Variants in USP32 observed in about 807,000 individuals in gnomAD.
The protein encoded by USP32 is ubiquitin carboxyl-terminal hydrolase 32.
In USP32, 59 loss-of-function variants were observed where a neutral mutation model predicts 204.8. The observed-to-expected ratio is 0.29, with a 90% CI of 0.23 to 0.36. USP32 has a LOEUF of 0.36. Among genes scored for constraint, USP32 ranks in the 10% least tolerant of loss-of-function variants. USP32 has a pLI of 1.00. For missense variants in USP32, 1,160 were observed against 1,946.4 expected (o/e 0.60, Z 7.60); for synonymous variants, 517 against 678.4 (o/e 0.76, Z 3.70).
Position 60,213,539 on chromosome 17 carries a change from C to T in USP32, c.2104+42G>A, listed in dbSNP as rs2085025755. On this transcript the variant is annotated intron_variant, in intron 18 of 33. Coordinates refer to ENST00000300896, the MANE Select transcript of USP32 (RefSeq NM_032582.4). Reference sequence around the variant, plus strand: ...GTTATTAGTAACTCTTTAAATTCTTCCCCTTGAAAATTTAATATAGATGCA... The same window carrying T: ...GTTATTAGTAACTCTTTAAATTCTTTCCCTTGAAAATTTAATATAGATGCA... The T allele has an allele frequency of 8.1e-6, 7 of 866,656 alleles. No homozygotes were observed. In the Middle Eastern group the frequency reaches 1.8e-3, roughly 219 times the overall value. 53.7% of individuals were successfully genotyped at this position (866,656 alleles called of 1,614,324 possible). A position where few individuals can be genotyped will look rare whatever the true frequency, so the allele number is the denominator to read the frequency against.
At chr17:60,237,738 C>T (rs2085769582) in intron 11 of USP32, among the ~76,000 whole-genome samples, 1 of 152,120 alleles carries the variant, frequency 6.6e-6, no homozygotes, top group African/African-American at 2.4e-5. Flanking sequence ...GAGGTCCAAC[C>T]ATGTTGTAGT....
chr17:60,329,658 T>G (rs2088332993), intron 2 of USP32, among the ~76,000 whole-genome samples: 1 of 152,028 alleles, frequency 6.6e-6, no homozygotes, highest in Non-Finnish European at 1.5e-5. Flanking sequence ...TCTCCCTTCC[T>G]CAACTCTTAA....
chr17:60,214,284 T>C (rs2085047694), intron 17 of USP32, among the ~76,000 whole-genome samples: 1 of 152,226 alleles, frequency 6.6e-6, no homozygotes, highest in Non-Finnish European at 1.5e-5. Context: ...TTGTAACATG[T>C]AATCTTTATA....
chr17:60,374,302 C>A (rs2089499495), intron 1 of USP32, among the ~76,000 whole-genome samples: 1 of 152,076 alleles, frequency 6.6e-6, no homozygotes, highest in Non-Finnish European at 1.5e-5. Flanking sequence ...GTCTTCAGGG[C>A]AATAACACAC....
At chr17:60,420,506 A>G (rs1014404271) in intron 1 of USP32, among the ~76,000 whole-genome samples, 3 of 152,096 alleles carry the variant, frequency 2.0e-5, no homozygotes, top group African/African-American at 7.2e-5. Flanking sequence ...CGTCTTTACT[A>G]AAAATACAAA....
At chr17:60,377,830 A>T (rs1598300703) in intron 1 of USP32, among the ~76,000 whole-genome samples, 1 of 152,312 alleles carries the variant, frequency 6.6e-6, no homozygotes, top group African/African-American at 2.4e-5. Flanking sequence ...GGTTTTCTGC[A>T]GCTGTGGGGT....
At chr17:60,343,398 A>G (rs552676194) in intron 2 of USP32, among the ~76,000 whole-genome samples, 1 of 152,192 alleles carries the variant, frequency 6.6e-6, no homozygotes, top group Non-Finnish European at 1.5e-5. Flanking sequence ...CCACATAATT[A>G]GAAGTAAAGC....
intron 4 of USP32, among the ~76,000 whole-genome samples, chr17:60,289,077 G>A (rs563036818): frequency 2.0e-5 from 3 of 152,222 alleles, no homozygotes; most frequent in Middle Eastern, 3.4e-3. Context: ...GCGCGATCTC[G>A]GCTCACTGCA....
At chr17:60,237,140 A>G (rs1039681726) in intron 11 of USP32, among the ~76,000 whole-genome samples, 5 of 151,034 alleles carry the variant, frequency 3.3e-5, no homozygotes, top group Non-Finnish European at 7.4e-5. Context: ...CTATCTATCT[A>G]TCTATCTATC....
chr17:60,201,973 T>C (rs897930158), intron 26 of USP32, among the ~76,000 whole-genome samples: 1 of 152,142 alleles, frequency 6.6e-6, no homozygotes, highest in Non-Finnish European at 1.5e-5. Context: ...TCAATTTTAA[T>C]GAAGTCCAAT....
At chr17:60,258,200 A>G (rs1163571220) in intron 9 of USP32, 2 of 158,200 alleles carry the variant, frequency 1.3e-5, no homozygotes, top group African/African-American at 5.0e-5. Context: ...ATGCAAATGA[A>G]AAACATGAAA....
intron 14 of USP32, among the ~76,000 whole-genome samples, chr17:60,222,843 G>A (rs149568143): frequency 1.1e-3 from 170 of 151,690 alleles, no homozygotes; most frequent in Middle Eastern, 6.8e-3. Flanking sequence ...CACCATGCCC[G>A]GCTAATTTTT....
chr17:60,221,990 A>G (rs1252020810), intron 15 of USP32, among the ~76,000 whole-genome samples: 1 of 152,236 alleles, frequency 6.6e-6, no homozygotes, highest in African/African-American at 2.4e-5. Flanking sequence ...CTTCAAAAAC[A>G]TAAACCACAA....
At chr17:60,201,351 T>C (rs1214933680) in intron 26 of USP32, among the ~76,000 whole-genome samples, 4 of 152,216 alleles carry the variant, frequency 2.6e-5, no homozygotes, top group African/African-American at 9.6e-5. Context: ...TAGATAATGG[T>C]GCTACGAATA....
intron 6 of USP32, among the ~76,000 whole-genome samples, chr17:60,270,858 T>C (rs2086707930): frequency 6.6e-6 from 1 of 151,866 alleles, no homozygotes; most frequent in Non-Finnish European, 1.5e-5. Context: ...AGCACTAAGT[T>C]TAGAGCTAGA....
At chr17:60,222,964 G>A (rs962381570) in intron 14 of USP32, among the ~76,000 whole-genome samples, 1 of 152,054 alleles carries the variant, frequency 6.6e-6, no homozygotes, top group Non-Finnish European at 1.5e-5. Flanking sequence ...TTACAGGCAT[G>A]AGCCACCACG....
chr17:60,263,109 T>C (rs968038262), intron 9 of USP32, among the ~76,000 whole-genome samples: 3 of 152,142 alleles, frequency 2.0e-5, no homozygotes, highest in Non-Finnish European at 2.9e-5. Context: ...CTACTGTGCC[T>C]GGCTACGTTT....
intron 13 of USP32, among the ~76,000 whole-genome samples, chr17:60,225,239 G>A (rs577225404): frequency 1.1e-4 from 17 of 151,936 alleles, no homozygotes; most frequent in Non-Finnish European, 2.4e-4. Flanking sequence ...GACTGCTTGA[G>A]CCTGGGAGTT....
intron 1 of USP32, among the ~76,000 whole-genome samples, chr17:60,406,015 G>A (rs2089972698): frequency 6.6e-6 from 1 of 151,806 alleles, no homozygotes; most frequent in South Asian, 2.1e-4. Flanking sequence ...AATTTAGCTA[G>A]GTGTACTGGT....
Sources: allele counts gnomAD v4.1 joint callset (sites outside exome capture counted in the v4.1 genomes callset), GRCh38; gene constraint gnomAD v4.1.1; transcripts MANE v1.5; gene names NCBI Gene and HGNC (gene_info 2026-07-23, HGNC 2026-07-21).